Variants in ZNF676 observed in about 807,000 individuals in gnomAD.
ZNF676 encodes the protein zinc finger protein 676.
In ZNF676, 4 loss-of-function variants were observed where a neutral mutation model predicts 6.0. The observed-to-expected ratio is 0.67, with a 90% CI of 0.33 to 1.53. The LOEUF is 1.53. ZNF676 is among the 40% of genes most tolerant of loss of function. The pLI is 0.06. For missense variants in ZNF676, 644 were observed against 679.7 expected, an observed-to-expected ratio of 0.95 and a Z score of 0.58; for synonymous variants, 198 against 223.1, an observed-to-expected ratio of 0.89 and a Z score of 1.00.
intron 2 of ZNF676, among the ~76,000 whole-genome samples, chr19:22,186,664 C>T (rs1169391210): frequency 1.3e-5 from 2 of 152,076 alleles, no homozygotes; most frequent in Non-Finnish European, 2.9e-5. Flanking sequence ...CACATATAGG[C>T]TCAAAATAAA....
upstream of ZNF676, among the ~76,000 whole-genome samples, chr19:22,198,529 T>C (rs1017510915): frequency 1.3e-5 from 2 of 152,042 alleles, no homozygotes; most frequent in Non-Finnish European, 2.9e-5. Flanking sequence ...GAAAAGGCCA[T>C]TTTTTTCTCT....
the ZNF676 span, among the ~76,000 whole-genome samples, chr19:22,247,122 G>T: frequency 6.6e-6 from 1 of 152,160 alleles, no homozygotes; most frequent in Non-Finnish European, 1.5e-5. Context: ...GGTAACTAGT[G>T]GGGTATATTC....
the ZNF676 span, among the ~76,000 whole-genome samples, chr19:22,252,494 C>A: frequency 6.7e-6 from 1 of 149,968 alleles, no homozygotes; most frequent in African/African-American, 2.5e-5. Flanking sequence ...TACTCTATAA[C>A]CCCTCACTGG....
the ZNF676 span, among the ~76,000 whole-genome samples, chr19:22,257,760 T>C: frequency 3.9e-5 from 6 of 152,254 alleles, no homozygotes; most frequent in African/African-American, 1.4e-4. Context: ...TCTGACAATA[T>C]GTAACAATAC....
At chr19:22,253,908 G>GA in the ZNF676 span, among the ~76,000 whole-genome samples, 53 of 152,236 alleles carry the variant, frequency 3.5e-4, no homozygotes, top group Admixed American at 1.1e-3. Flanking sequence ...AAAAATAGTA[G>GA]TCTTTTATGA....
the ZNF676 span, among the ~76,000 whole-genome samples, chr19:22,223,599 T>A: frequency 6.6e-6 from 1 of 152,056 alleles, no homozygotes; most frequent in Non-Finnish European, 1.5e-5. Context: ...CTCTGTTATT[T>A]TAGATTCAGA....
upstream of ZNF676, among the ~76,000 whole-genome samples, chr19:22,201,384 A>C (rs751838480): frequency 6.6e-6 from 1 of 152,214 alleles, no homozygotes; most frequent in African/African-American, 2.4e-5. Flanking sequence ...CACAATGCAG[A>C]AAATGCCTCC....
the ZNF676 span, among the ~76,000 whole-genome samples, chr19:22,242,023 A>G: frequency 6.6e-6 from 1 of 151,884 alleles, no homozygotes; most frequent in African/African-American, 2.4e-5. Context: ...AGGGCTTTAT[A>G]CAGTATGTGA....
chr19:22,220,774 A>G (rs1376224851), upstream of ZNF676, among the ~76,000 whole-genome samples: 1 of 152,060 alleles, frequency 6.6e-6, no homozygotes, highest in African/African-American at 2.4e-5. Flanking sequence ...TTTTATTACT[A>G]GTTTAATCTT....
chr19:22,256,324 G>T, the ZNF676 span, among the ~76,000 whole-genome samples: 1 of 152,060 alleles, frequency 6.6e-6, no homozygotes. Flanking sequence ...AATATTCCCC[G>T]CTAGAAGGGA....
the ZNF676 span, among the ~76,000 whole-genome samples, chr19:22,236,214 T>G: frequency 6.6e-6 from 1 of 152,078 alleles, no homozygotes; most frequent in South Asian, 2.1e-4. Flanking sequence ...CTAATAGCCC[T>G]CACCCTACTA....
At chr19:22,222,730 A>G in the ZNF676 span, among the ~76,000 whole-genome samples, 103,834 of 152,034 alleles carry the variant, frequency 0.68, 35,909 homozygotes, top group South Asian at 0.85. Context: ...AGAGGTGGTA[A>G]ACGCAGCAAA....
At chr19:22,238,941 G>C in the ZNF676 span, among the ~76,000 whole-genome samples, 34 of 152,290 alleles carry the variant, frequency 2.2e-4, no homozygotes, top group Admixed American at 1.8e-3. Context: ...GCCTTTTCCA[G>C]CCAACTGACT....
At chr19:22,220,907 C>T in the ZNF676 span, among the ~76,000 whole-genome samples, 3 of 152,224 alleles carry the variant, frequency 2.0e-5, no homozygotes, top group Admixed American at 1.3e-4. Flanking sequence ...TAAAGGTATT[C>T]GTAGCAGCTT....
At chr19:22,182,585 T>TAAAAAAAAAAAAAAAAAAAAAAAAAA (rs67699215) in intron 2 of ZNF676, among the ~76,000 whole-genome samples, 6 of 45,042 alleles carry the variant, frequency 1.3e-4, no homozygotes, top group African/African-American at 5.3e-4. Context: ...GTCAAAGTTC[T>TAAAAAAAAAAAAAAAAAAAAAAAAAA]AAAAAAAAAA....
chr19:22,191,106 G>A (rs1397850045), intron 2 of ZNF676, among the ~76,000 whole-genome samples: 1 of 152,092 alleles, frequency 6.6e-6, no homozygotes. Flanking sequence ...ATTGCTGCAG[G>A]CCAAAACTTT....
the ZNF676 span, among the ~76,000 whole-genome samples, chr19:22,234,908 G>A: frequency 2.7e-5 from 4 of 150,902 alleles, no homozygotes; most frequent in South Asian, 2.1e-4. Context: ...ACTCTAGCCT[G>A]GATGACAAGA....
intron 1 of ZNF676, among the ~76,000 whole-genome samples, chr19:22,202,520 G>T (rs1478019490): frequency 1.3e-5 from 2 of 152,120 alleles, no homozygotes; most frequent in Admixed American, 1.3e-4. Flanking sequence ...ATTATGTCTG[G>T]TAATTCTAGA....
At chr19:22,253,543 C>A in the ZNF676 span, among the ~76,000 whole-genome samples, 1 of 20,592 alleles carries the variant, frequency 4.9e-5, no homozygotes, top group Non-Finnish European at 4.1e-3. Context: ...TCACAGTATG[C>A]TCTGAGACTT....
Sources: allele counts gnomAD v4.1 joint callset (sites outside exome capture counted in the v4.1 genomes callset), GRCh38; gene constraint gnomAD v4.1.1; transcripts MANE v1.5; gene names NCBI Gene and HGNC (gene_info 2026-07-23, HGNC 2026-07-21).